Variants in SV2B observed in about 807,000 individuals in gnomAD.
The protein encoded by SV2B is solute carrier family 22 member B2.
A neutral mutation model predicts 73.9 loss-of-function variants in SV2B; 41 were observed. That is an observed-to-expected ratio of 0.56 (90% CI 0.43 to 0.72). SV2B has a LOEUF of 0.72. Ranked by LOEUF, SV2B falls within the 30% of genes least tolerant of loss-of-function variation. The pLI is 0.00. For missense variants in SV2B, 764 were observed against 857.8 expected, an observed-to-expected ratio of 0.89 and a Z score of 1.37; for synonymous variants, 314 against 314.2, an observed-to-expected ratio of 1.00 and a Z score of 0.01.
At chr15:91,205,897 A>G (rs1299590140) in intron 1 of SV2B, among the ~76,000 whole-genome samples, 1 of 152,174 alleles carries the variant, frequency 6.6e-6, no homozygotes, top group African/African-American at 2.4e-5. Context: ...ACTGGAGGAG[A>G]AAAACAGCTG....
rs1567373423 is a variant in SV2B at position 91,234,370 on chromosome 15, T to TCCTAAA, written c.451+7656_451+7657insCCTAAA. Among the ~76,000 whole-genome samples the TCCTAAA allele has an allele frequency of 1.3e-5, 2 of 152,194 alleles. No homozygotes were observed. Among genetic ancestry groups the TCCTAAA allele is most frequent in the East Asian group, 3.9e-4 (2 of 5,174 alleles). On this transcript the variant is annotated intron_variant, in intron 2 of 12. Transcript: ENST00000394232. The surrounding 1 kb of genome is among the most constrained non-coding windows in gnomAD (Gnocchi z 5.6). The stretch of plus-strand genomic sequence containing the variant: ...TACAGTGTGGACTGTAGTCATGGAG[T>TCCTAAA]TGCAATACCTAAATGCAGTGGGAAT...
At chr15:91,291,977 G>C (rs2049055998) in intron 12 of SV2B, among the ~76,000 whole-genome samples, 1 of 152,110 alleles carries the variant, frequency 6.6e-6, no homozygotes. Flanking sequence ...TGCTTCAGGA[G>C]GGTTGAGAGT....
rs1257793115 is a variant in SV2B, at chr15:91,240,439, A to AACTT, written c.452-11376_452-11373dup. Among the ~76,000 whole-genome samples, 1 of 152,108 alleles carries AACTT rather than the reference A, an allele frequency of 6.6e-6. No homozygotes were observed. Among genetic ancestry groups the AACTT allele is most frequent in the Non-Finnish European group, 1.5e-5 (1 of 68,020 alleles). ...TATTCAGTAGCTCCTTAAAAGAGTCAACTTACTCACGGGCTTGTTTACTGA... is the reference window on the plus strand; with the variant it reads ...TATTCAGTAGCTCCTTAAAAGAGTCAACTTACTTACTCACGGGCTTGTTTACTGA... On this transcript the variant is annotated intron_variant, in intron 2 of 12. Transcript: ENST00000394232. The surrounding 1 kb of genome is among the most constrained non-coding windows in gnomAD (Gnocchi z 4.6).
Position 91,118,667 on chromosome 15 carries a change from A to G in SV2B, c.-392+18304A>G, listed in dbSNP as rs2042244025. ...CCTACTGCCCAAGAGGGCCGAGGTG[A>G]GGCTGAACACTGTCTCAAGAAAACT... is the stretch of plus-strand genomic sequence containing the variant. On this transcript the variant is annotated intron_variant, in intron 1 of 12. Coordinates refer to ENST00000394232, the MANE Select transcript of SV2B (RefSeq NM_001323032.3). The surrounding 1 kb of genome is among the most constrained non-coding windows in gnomAD (Gnocchi z 4.7). Among the ~76,000 whole-genome samples the G allele has an allele frequency of 6.6e-6, 1 of 152,170 alleles. No individual in the cohort carries two copies. The highest frequency in any genetic ancestry group is 2.4e-5 in the African/African-American group (1 of 41,440).
intron 1 of SV2B, among the ~76,000 whole-genome samples, chr15:91,212,137 C>T (rs1308573848): frequency 6.6e-6 from 1 of 152,174 alleles, no homozygotes; most frequent in Non-Finnish European, 1.5e-5. Context: ...TGCCATGAGC[C>T]TCCAGGTAGA....
At chr15:91,158,266 C>T (rs2141239286) in intron 1 of SV2B, among the ~76,000 whole-genome samples, 1 of 152,282 alleles carries the variant, frequency 6.6e-6, no homozygotes, top group East Asian at 1.9e-4. Flanking sequence ...TGGGTTTCAG[C>T]ACTTGTTCTT....
rs765318667 is a variant in SV2B, at chr15:91,268,405, T to C, written c.1209-36T>C. 10 of 1,591,314 alleles carry C rather than the reference T, an allele frequency of 6.3e-6. No individual in the cohort carries two copies. The East Asian group carries it at 1.8e-4, about 29-fold the overall frequency. On this transcript the variant is annotated intron_variant, in intron 8 of 12. Coordinates refer to ENST00000394232, the MANE Select transcript of SV2B (RefSeq NM_001323032.3). This position sits in a 1 kb window ranked among gnomAD's most constrained non-coding sequence, Gnocchi z 4.4. ...ACCCTGATCATGAAAGAATGAATCC[T>C]GTTGTTGTTGCAACCTTCTGCCTTC...
rs1000410585 is a variant in SV2B at position 91,283,921 on chromosome 15, A to G, written c.1508-100A>G. The G allele has an allele frequency of 9.9e-6, 12 of 1,216,960 alleles. No homozygotes were observed. The highest frequency in any genetic ancestry group is 1.4e-5 in the Non-Finnish European group (12 of 853,692). 75.4% of individuals were successfully genotyped at this position (1,216,960 alleles called of 1,614,324 possible). On this transcript the variant is annotated intron_variant, in intron 10 of 12. Coordinates refer to ENST00000394232, the MANE Select transcript of SV2B (RefSeq NM_001323032.3). The surrounding 1 kb of genome is among the most constrained non-coding windows in gnomAD (Gnocchi z 4.3). Reference sequence around the variant, plus strand: ...CTGTCTGACTGGCAAAGGCTGGCACAGCCTGCCTACAGGAGGGGGCAGACT... The same window carrying G: ...CTGTCTGACTGGCAAAGGCTGGCACGGCCTGCCTACAGGAGGGGGCAGACT...
chr15:91,223,570 C>T lies in SV2B; in HGVS notation c.-391-2303C>T, dbSNP rs761799914. ...TCTGGTTCACGACGTTGTTATAGGG[C>T]CCCCAGGATGGAAATAACACACCAG... On this transcript the variant is annotated intron_variant, in intron 1 of 12. Coordinates refer to ENST00000394232, the MANE Select transcript of SV2B (RefSeq NM_001323032.3). This position sits in a 1 kb window ranked among gnomAD's most constrained non-coding sequence, Gnocchi z 4.6. Among the ~76,000 whole-genome samples, 347 of 152,204 alleles carry T rather than the reference C, an allele frequency of 2.3e-3. 3 individuals are homozygous for T. Among genetic ancestry groups the T allele is most frequent in the Non-Finnish European group, 2.6e-3 (178 of 67,996 alleles).
chr15:91,243,891 G>A (rs950274649), intron 2 of SV2B, among the ~76,000 whole-genome samples: 1 of 152,168 alleles, frequency 6.6e-6, no homozygotes, highest in South Asian at 2.1e-4. Context: ...CAGGAGGGGC[G>A]GTTCTGCTCT....
intron 1 of SV2B, among the ~76,000 whole-genome samples, chr15:91,127,561 G>GA (rs765659814): frequency 6.6e-6 from 1 of 152,126 alleles, no homozygotes; most frequent in African/African-American, 2.4e-5. Flanking sequence ...TTTCGGGAAA[G>GA]AAAAGCTCTT....
rs748157480 is a variant in SV2B at position 91,122,611 on chromosome 15, C to T, written c.-392+22248C>T. Among the ~76,000 whole-genome samples the T allele has an allele frequency of 1.3e-4, 20 of 152,224 alleles. No individual in the cohort carries two copies. Among genetic ancestry groups the T allele is most frequent in the Non-Finnish European group, 1.8e-4 (12 of 68,040 alleles). On this transcript the variant is annotated intron_variant, in intron 1 of 12. Transcript: ENST00000394232. This position sits in a 1 kb window ranked among gnomAD's most constrained non-coding sequence, Gnocchi z 4.3. ...GCTTTGTCTGAGTGATTTAACAAAA[C>T]TGGACGTTCCATTAAGATACTTTGC...
chr15:91,158,706 CT>C lies in SV2B; in HGVS notation c.-392+58344del, dbSNP rs1596493388. 1.2e-3 allele frequency among the ~76,000 whole-genome samples: 107 copies of C among 92,252 alleles called. 1 individual carries two copies. The highest frequency in any genetic ancestry group is 9.3e-3 in the Middle Eastern group (2 of 214). The allele number at this position is 92,252 out of a possible 152,430, so 60.5% of individuals were successfully genotyped here. A position where few individuals can be genotyped will look rare whatever the true frequency, so the allele number is the denominator to read the frequency against. ...CTTCTCTTCTCTTCTCTTCTCTCCT[CT>C]CCTCTCCTCTCCTCTCCTCTCTTCT... is the stretch of plus-strand genomic sequence containing the variant. On this transcript the variant is annotated intron_variant, in intron 1 of 12. Transcript: ENST00000394232.
intron 1 of SV2B, among the ~76,000 whole-genome samples, chr15:91,180,364 T>TA (rs2044501755): frequency 1.3e-5 from 2 of 152,102 alleles, no homozygotes; most frequent in South Asian, 2.1e-4. Context: ...ATCTGACAAT[T>TA]ATGTGTCTTG....
At position 91,281,860 on chromosome 15, in the gene SV2B, A is replaced by G; in HGVS notation, c.1506A>G (p.Thr502=). Residue 502 remains threonine, a splice_region_variant and synonymous_variant, in exon 10 of 13, where the codon ACA becomes ACG. Coordinates refer to ENST00000394232, the MANE Select transcript of SV2B (RefSeq NM_001323032.3). This position sits in a 1 kb window ranked among gnomAD's most constrained non-coding sequence, Gnocchi z 4.7. ...CTIESTIFYN[T]DLYEHKFINC... is the part of the protein sequence containing the mutation. The stretch of plus-strand genomic sequence containing the variant: ...TTGAATCAACCATCTTTTACAACAC[A>G]GGTAGGTAAGAACATTGACAGATTG... 6.2e-7 allele frequency: 1 copy of G among 1,608,916 alleles called. No individual in the cohort carries two copies. The highest frequency in any genetic ancestry group is 8.5e-7 in the Non-Finnish European group (1 of 1,177,180).
chr15:91,163,963 G>A (rs1000433375), intron 1 of SV2B, among the ~76,000 whole-genome samples: 1 of 152,182 alleles, frequency 6.6e-6, no homozygotes, highest in African/African-American at 2.4e-5. Flanking sequence ...AAGGGATCCA[G>A]TTTCAGCTTT....
At chr15:91,251,648 A>G (rs982701979) in intron 2 of SV2B, among the ~76,000 whole-genome samples, 171 bp from the exon 3 acceptor site, 2 of 152,260 alleles carry the variant, frequency 1.3e-5, no homozygotes, top group African/African-American at 4.8e-5. Context: ...GTAAAAAGTC[A>G]TATTTGTATA....
rs529062719 is a variant in SV2B, at chr15:91,124,659, A to T, written c.-392+24296A>T. ...ACAGAAATTTCTTTCTTTCAACAAA[A>T]ATTTTTTTTTTTTTGAGACAGTCTC... On this transcript the variant is annotated intron_variant, in intron 1 of 12. Coordinates refer to ENST00000394232, the MANE Select transcript of SV2B (RefSeq NM_001323032.3). This position sits in a 1 kb window ranked among gnomAD's most constrained non-coding sequence, Gnocchi z 4.6. 3.5e-3 allele frequency among the ~76,000 whole-genome samples: 536 copies of T among 151,586 alleles called. 3 individuals carry two copies. Among genetic ancestry groups the T allele is most frequent in the East Asian group, 0.013 (66 of 5,142 alleles).
chr15:91,235,518 T>G (rs962003652), intron 2 of SV2B, among the ~76,000 whole-genome samples: 1 of 152,114 alleles, frequency 6.6e-6, no homozygotes, highest in African/African-American at 2.4e-5. Context: ...CTCTCAAGAT[T>G]AAGAGCAATT....
Sources: allele counts gnomAD v4.1 joint callset (sites outside exome capture counted in the v4.1 genomes callset), GRCh38; gene constraint gnomAD v4.1.1; non-coding constraint Gnocchi (gnomAD v3.1); transcripts MANE v1.5; gene names NCBI Gene and HGNC (gene_info 2026-07-23, HGNC 2026-07-21).